SNX29: variants seen among roughly 807,000 people sequenced by gnomAD.
SNX29 encodes sorting nexin 29.
SNX29 carries 78 observed loss-of-function variants against 102.1 expected under a neutral mutation model. The observed-to-expected ratio is 0.76, with a 90% CI of 0.64 to 0.92. The LOEUF is 0.92. Ranked by LOEUF, SNX29 falls within the 40% of genes least tolerant of loss-of-function variation. The probability of loss-of-function intolerance (pLI) is 0.00; values close to 1 mark genes in which losing one functional copy is unlikely to be tolerated. For missense variants in SNX29, 1,280 were observed against 1,061.7 expected (o/e 1.21, Z -2.86); for synonymous variants, 580 against 414.5 (o/e 1.40, Z -4.85).
At chr16:12,287,782 T>C (rs955654678) in intron 15 of SNX29, among the ~76,000 whole-genome samples, 1 of 152,224 alleles carries the variant, frequency 6.6e-6, no homozygotes, top group Non-Finnish European at 1.5e-5. Context: ...CTTCAGTGTC[T>C]TTTAATCCAT....
chr16:12,200,686 T>C (rs2076892255), intron 14 of SNX29, among the ~76,000 whole-genome samples: 3 of 152,212 alleles, frequency 2.0e-5, no homozygotes, highest in Admixed American at 1.3e-4. Context: ...GATTTCACCA[T>C]GTTGGCCAGT....
chr16:12,419,518 A>T (rs2151580210), intron 18 of SNX29, among the ~76,000 whole-genome samples: 1 of 152,002 alleles, frequency 6.6e-6, no homozygotes, highest in Non-Finnish European at 1.5e-5. Flanking sequence ...GGAAAAGACC[A>T]AGGGTACAGC....
chr16:12,528,765 A>G (rs553255152), intron 20 of SNX29, among the ~76,000 whole-genome samples: 1 of 152,074 alleles, frequency 6.6e-6, no homozygotes, highest in Non-Finnish European at 1.5e-5. Flanking sequence ...CATCCACGTT[A>G]CTCATGATGC....
chr16:12,290,482 C>T (rs374977138), intron 15 of SNX29, among the ~76,000 whole-genome samples: 35 of 152,334 alleles, frequency 2.3e-4, no homozygotes, highest in African/African-American at 8.2e-4. Flanking sequence ...CTTTGTGTCA[C>T]CTCTCCTAAT....
chr16:12,068,290 A>G (rs951210154), intron 9 of SNX29, among the ~76,000 whole-genome samples: 1 of 152,026 alleles, frequency 6.6e-6, no homozygotes, highest in South Asian at 2.1e-4. Context: ...CAGCCTGGGC[A>G]ACATAGTGGG....
At chr16:11,984,357 C>A (rs1434502280) in intron 1 of SNX29, among the ~76,000 whole-genome samples, 1 of 135,610 alleles carries the variant, frequency 7.4e-6, no homozygotes, top group African/African-American at 2.8e-5. Flanking sequence ...CAGAGCCAGA[C>A]CCCTCAGACC....
At chr16:12,342,847 TC>T (rs2081652001) in intron 15 of SNX29, among the ~76,000 whole-genome samples, 1 of 152,158 alleles carries the variant, frequency 6.6e-6, no homozygotes, top group Non-Finnish European at 1.5e-5. Flanking sequence ...AGCACAGTCT[TC>T]CCTCTGTCCA....
chr16:12,240,044 A>G (rs2078055125), intron 14 of SNX29, among the ~76,000 whole-genome samples: 1 of 152,152 alleles, frequency 6.6e-6, no homozygotes, highest in Non-Finnish European at 1.5e-5. Context: ...CTCTCGTTTC[A>G]CTTGGTATCA....
At chr16:12,389,461 C>T (rs1200301877) in intron 16 of SNX29, among the ~76,000 whole-genome samples, 1 of 152,120 alleles carries the variant, frequency 6.6e-6, no homozygotes, top group Non-Finnish European at 1.5e-5. Flanking sequence ...CTCTCATTCT[C>T]CTGCCTGCCA....
intron 13 of SNX29, among the ~76,000 whole-genome samples, chr16:12,193,671 T>C (rs2076700859): frequency 5.3e-5 from 8 of 152,212 alleles, no homozygotes. Flanking sequence ...TTAATATTTG[T>C]ATAAGGTGTG....
chr16:12,393,897 C>T (rs1393139625), intron 16 of SNX29, among the ~76,000 whole-genome samples: 1 of 152,180 alleles, frequency 6.6e-6, no homozygotes, highest in Non-Finnish European at 1.5e-5. Context: ...ATGAGGTAGG[C>T]AAGGAAGAAA....
At chr16:12,533,235 A>G (rs974853798) in intron 20 of SNX29, among the ~76,000 whole-genome samples, 1 of 152,248 alleles carries the variant, frequency 6.6e-6, no homozygotes, top group South Asian at 2.1e-4. Context: ...GTTTTGCCCA[A>G]AGGGCAGCTG....
chr16:12,464,229 C>CGTGTGTGTGTGTGTGTGTGTGTGTGTGT (rs138917966), intron 18 of SNX29, among the ~76,000 whole-genome samples: 2 of 140,936 alleles, frequency 1.4e-5, no homozygotes, highest in South Asian at 4.6e-4. Context: ...TATTCCATGG[C>CGTGTGTGTGTGTGTGTGTGTGTGTGTGT]GTGTGTGTGT....
chr16:12,176,084 A>G (rs2076253952), intron 13 of SNX29, among the ~76,000 whole-genome samples: 1 of 151,730 alleles, frequency 6.6e-6, no homozygotes, highest in Admixed American at 6.6e-5. Context: ...TCATGTGAGG[A>G]GTGGGGGGAA....
intron 18 of SNX29, among the ~76,000 whole-genome samples, chr16:12,473,718 C>T (rs887915712): frequency 4.6e-5 from 7 of 152,128 alleles, no homozygotes; most frequent in Non-Finnish European, 7.4e-5. Context: ...GTAAAGAAGA[C>T]GGCTAAAACC....
chr16:12,455,476 G>C (rs752311394), intron 18 of SNX29, among the ~76,000 whole-genome samples: 8 of 152,194 alleles, frequency 5.3e-5, no homozygotes, highest in Non-Finnish European at 7.3e-5. Flanking sequence ...CTGGCTCCCA[G>C]AGCCCTGGCC....
intron 14 of SNX29, among the ~76,000 whole-genome samples, chr16:12,205,674 T>G (rs1217330326): frequency 6.6e-6 from 1 of 152,254 alleles, no homozygotes; most frequent in East Asian, 1.9e-4. Context: ...TCCTCTTGAC[T>G]GCCCTGTCTT....
intron 11 of SNX29, among the ~76,000 whole-genome samples, chr16:12,079,870 C>G (rs2051777237): frequency 6.6e-6 from 1 of 152,112 alleles, no homozygotes; most frequent in Non-Finnish European, 1.5e-5. Flanking sequence ...AGCAGAGAGA[C>G]TTCGTCTATT....
chr16:12,358,640 G>A (rs1485593140), intron 16 of SNX29, among the ~76,000 whole-genome samples: 1 of 152,182 alleles, frequency 6.6e-6, no homozygotes, highest in African/African-American at 2.4e-5. Flanking sequence ...ATTTCAGAAG[G>A]GGTCCAGCCC....
Sources: allele counts gnomAD v4.1 joint callset (sites outside exome capture counted in the v4.1 genomes callset), GRCh38; gene constraint gnomAD v4.1.1; transcripts MANE v1.5; gene names NCBI Gene and HGNC (gene_info 2026-07-23, HGNC 2026-07-21).